NRG3: variants seen among roughly 807,000 people sequenced by gnomAD.
The protein encoded by NRG3 is pro-neuregulin-3, membrane-bound isoform.
Under a neutral mutation model 66.9 loss-of-function variants are expected in NRG3, and 31 were observed. The observed-to-expected ratio is 0.46, with a 90% CI of 0.35 to 0.63. The LOEUF is 0.63. Among genes scored for constraint, NRG3 ranks in the 20% least tolerant of loss-of-function variants. The pLI is 0.00. For synonymous variants in NRG3, 393 were observed against 359.4 expected (o/e 1.09, Z -1.06); for missense variants, 910 against 878.9 (o/e 1.04, Z -0.45).
At chr10:82,251,891 G>A (rs1048658919) in intron 1 of NRG3, among the ~76,000 whole-genome samples, 3 of 151,982 alleles carry the variant, frequency 2.0e-5, no homozygotes, top group East Asian at 2.0e-4. Flanking sequence ...TCTGGCAGAG[G>A]TAAGGAGGAC....
intron 1 of NRG3, among the ~76,000 whole-genome samples, chr10:82,324,575 A>T (rs921388502): frequency 3.3e-5 from 5 of 152,128 alleles, no homozygotes; most frequent in African/African-American, 1.2e-4. Context: ...TTCCCACCAA[A>T]GTCTTACTTT....
At chr10:82,734,110 A>G (rs1423262838) in intron 2 of NRG3, among the ~76,000 whole-genome samples, 6 of 152,234 alleles carry the variant, frequency 3.9e-5, no homozygotes, top group Non-Finnish European at 5.9e-5. Context: ...ATTGAATTTC[A>G]ACCAATGATC....
At chr10:82,969,766 T>C (rs550874086) in intron 6 of NRG3, among the ~76,000 whole-genome samples, 1 of 152,346 alleles carries the variant, frequency 6.6e-6, no homozygotes, top group East Asian at 1.9e-4. Flanking sequence ...AATTAGATAG[T>C]TAATAATTTC....
chr10:82,795,066 A>C (rs1193414556), intron 3 of NRG3, among the ~76,000 whole-genome samples: 2 of 152,232 alleles, frequency 1.3e-5, no homozygotes, highest in Non-Finnish European at 2.9e-5. Flanking sequence ...CAGAAGTAAA[A>C]TGAAGATCTC....
At chr10:82,302,587 G>A (rs1414763) in intron 1 of NRG3, among the ~76,000 whole-genome samples, 71,015 of 151,946 alleles carry the variant, frequency 0.47, 20,291 homozygotes, top group African/African-American at 0.81. Context: ...ATACAAACAT[G>A]AAAGGGCAAT....
At chr10:82,188,482 G>A (rs79956335) in intron 1 of NRG3, among the ~76,000 whole-genome samples, 12,885 of 152,100 alleles carry the variant, frequency 0.085, 880 homozygotes, top group East Asian at 0.22. Context: ...CTACTGCATA[G>A]CAAAGGATAC....
At chr10:82,673,421 T>C (rs1380216489) in intron 2 of NRG3, among the ~76,000 whole-genome samples, 1 of 152,258 alleles carries the variant, frequency 6.6e-6, no homozygotes, top group African/African-American at 2.4e-5. Context: ...TTTATATCAA[T>C]TAGCCTATAG....
intron 1 of NRG3, among the ~76,000 whole-genome samples, chr10:82,261,971 C>T (rs2078054046): frequency 6.6e-6 from 1 of 152,138 alleles, no homozygotes; most frequent in Non-Finnish European, 1.5e-5. Context: ...AGACCTCCCC[C>T]TTCTTTCTCT....
chr10:82,891,318 T>A (rs563307482), intron 4 of NRG3, among the ~76,000 whole-genome samples: 33 of 152,006 alleles, frequency 2.2e-4, no homozygotes, highest in Non-Finnish European at 3.8e-4. Context: ...TCTGTTTGGG[T>A]CCTCTTTAAT....
At chr10:81,986,309 A>G (rs1354023810) in intron 1 of NRG3, among the ~76,000 whole-genome samples, 2 of 152,150 alleles carry the variant, frequency 1.3e-5, no homozygotes, top group African/African-American at 4.8e-5. Flanking sequence ...ATATATTATT[A>G]AAAAGAAAAA....
intron 1 of NRG3, among the ~76,000 whole-genome samples, chr10:82,291,302 T>C (rs1255249905): frequency 6.6e-6 from 1 of 152,134 alleles, no homozygotes; most frequent in Non-Finnish European, 1.5e-5. Flanking sequence ...ACATAATCTG[T>C]ACATACTGAA....
intron 3 of NRG3, among the ~76,000 whole-genome samples, chr10:82,858,311 C>T (rs1343726162): frequency 1.3e-5 from 2 of 152,160 alleles, no homozygotes; most frequent in Non-Finnish European, 2.9e-5. Flanking sequence ...CTAATCAGAA[C>T]TCTTAAAGTC....
At chr10:82,860,382 G>T (rs148161775) in intron 3 of NRG3, among the ~76,000 whole-genome samples, 367 of 152,250 alleles carry the variant, frequency 2.4e-3, no homozygotes, top group African/African-American at 8.0e-3. Flanking sequence ...CTCATTACTT[G>T]ATAATTTTGT....
At chr10:82,902,596 G>GC (rs1163598460) in intron 4 of NRG3, among the ~76,000 whole-genome samples, 1 of 151,896 alleles carries the variant, frequency 6.6e-6, no homozygotes, top group Non-Finnish European at 1.5e-5. Flanking sequence ...AATCTTCAGG[G>GC]CCTAATAACT....
intron 2 of NRG3, among the ~76,000 whole-genome samples, chr10:82,627,097 G>A (rs1400682155): frequency 3.3e-5 from 5 of 151,922 alleles, no homozygotes; most frequent in South Asian, 4.1e-4. Flanking sequence ...AGTCCTGACC[G>A]ATTTTGGAAA....
At chr10:82,787,787 A>C (rs2060430333) in intron 3 of NRG3, among the ~76,000 whole-genome samples, 1 of 152,202 alleles carries the variant, frequency 6.6e-6, no homozygotes, top group Non-Finnish European at 1.5e-5. Flanking sequence ...GTCAAAAGTC[A>C]AATACAAATG....
intron 2 of NRG3, among the ~76,000 whole-genome samples, chr10:82,734,528 G>A (rs1255045538): frequency 6.6e-6 from 1 of 152,082 alleles, no homozygotes; most frequent in East Asian, 1.9e-4. Flanking sequence ...GTTGGGCTCA[G>A]AAAGACTCCT....
intron 1 of NRG3, among the ~76,000 whole-genome samples, chr10:81,896,325 C>T (rs1326887580): frequency 6.6e-6 from 1 of 152,064 alleles, no homozygotes; most frequent in Non-Finnish European, 1.5e-5. Context: ...AGAGATGTAC[C>T]TCTAAAGAGT....
rs1043486124 is a variant in NRG3, at chr10:82,985,882, G to A, written c.*277G>A. 3.2e-6 allele frequency: 1 copy of A among 311,416 alleles called. No individual in the cohort carries two copies. Among genetic ancestry groups the A allele is most frequent in the Non-Finnish European group, 5.9e-6 (1 of 169,370 alleles). 19.3% of individuals were successfully genotyped at this position (311,416 alleles called of 1,614,324 possible). ...GTCCTCTTTGGCTCTTAGAAGATGT[G>A]GGCAATTCAGACCCTTGGCCCCACA... On this transcript the variant is annotated 3_prime_UTR_variant, in exon 9 of 9. Coordinates refer to ENST00000372141, the MANE Select transcript of NRG3 (RefSeq NM_001010848.4).
Sources: allele counts gnomAD v4.1 joint callset (sites outside exome capture counted in the v4.1 genomes callset), GRCh38; gene constraint gnomAD v4.1.1; transcripts MANE v1.5; gene names NCBI Gene and HGNC (gene_info 2026-07-23, HGNC 2026-07-21).